The following PLCE1 variants were observed in gnomAD, a reference collection of about 807,000 sequenced individuals.
PLCE1 encodes the protein 1-phosphatidylinositol 4,5-bisphosphate phosphodiesterase epsilon-1.
Under a neutral mutation model 242.8 loss-of-function variants are expected in PLCE1, and 119 were observed. The ratio of observed to expected loss-of-function variants is 0.49; its 90% confidence interval spans 0.42 to 0.57. The LOEUF (loss-of-function observed/expected upper bound fraction) is 0.57, where lower values mean the gene tolerates loss of function less well. Ranked by LOEUF, PLCE1 falls within the 20% of genes least tolerant of loss-of-function variation. PLCE1 has a pLI of 0.00. For missense variants in PLCE1, 2,441 were observed against 2,788.8 expected, an observed-to-expected ratio of 0.88 and a Z score of 2.81; for synonymous variants, 945 against 1,017.4, an observed-to-expected ratio of 0.93 and a Z score of 1.35.
chr10:94,328,680 C>G lies in PLCE1; in HGVS notation c.*737C>G, dbSNP rs965012396. ...GGGGCATTTCAAGTGTAAATATGTC[C>G]TATAACATAAGAGTCATTAAAATTC... On this transcript the variant is annotated 3_prime_UTR_variant, in exon 33 of 33. Coordinates refer to ENST00000371380, the MANE Select transcript of PLCE1 (RefSeq NM_016341.4). 4 of 152,116 alleles carry G rather than the reference C, an allele frequency of 2.6e-5. No individual in the cohort carries two copies. The highest frequency in any genetic ancestry group is 6.5e-5 in the Admixed American group (1 of 15,288). The allele number at this position is 152,116 out of a possible 1,614,324, so 9.4% of individuals were successfully genotyped here. A position where few individuals can be genotyped will look rare whatever the true frequency, so the allele number is the denominator to read the frequency against.
At chr10:94,145,604 G>A (rs546197086) in intron 3 of PLCE1, among the ~76,000 whole-genome samples, 23 of 152,186 alleles carry the variant, frequency 1.5e-4, no homozygotes, top group African/African-American at 3.4e-4. Flanking sequence ...CCCTTGGCCC[G>A]TGGGCTGACA....
intron 8 of PLCE1, among the ~76,000 whole-genome samples, chr10:94,247,115 A>G (rs74861582): frequency 1.7e-5 from 1 of 57,768 alleles, no homozygotes; most frequent in Admixed American, 1.5e-4. Flanking sequence ...CTGTCTCAGG[A>G]AAAAAAAAAA....
chr10:94,029,950 A>G (rs1397491507), intron 1 of PLCE1, among the ~76,000 whole-genome samples: 1 of 152,114 alleles, frequency 6.6e-6, no homozygotes, highest in Non-Finnish European at 1.5e-5. Flanking sequence ...ATTGGATAGA[A>G]ATTTTTTTGA....
chr10:94,215,535 A>G (rs532495247), intron 4 of PLCE1, among the ~76,000 whole-genome samples: 22 of 152,228 alleles, frequency 1.4e-4, no homozygotes, highest in African/African-American at 4.8e-4. Context: ...AGAACATGAC[A>G]TCTGGGCTAC....
intron 3 of PLCE1, among the ~76,000 whole-genome samples, chr10:94,169,879 G>A (rs925268418): frequency 1.3e-5 from 2 of 152,176 alleles, no homozygotes; most frequent in Non-Finnish European, 2.9e-5. Flanking sequence ...GTCTTCTTAG[G>A]GAATCTCTGG....
chr10:94,063,464 T>C (rs999410938), intron 2 of PLCE1, among the ~76,000 whole-genome samples: 1 of 152,216 alleles, frequency 6.6e-6, no homozygotes, highest in African/African-American at 2.4e-5. Flanking sequence ...GTAGGCATTC[T>C]AATATGTGCC....
At chr10:94,187,179 T>TGC (rs1554879698) in intron 4 of PLCE1, among the ~76,000 whole-genome samples, 56 of 149,100 alleles carry the variant, frequency 3.8e-4, no homozygotes, top group African/African-American at 7.1e-4. Context: ...TGTGTGTGTG[T>TGC]GTGCGTGCAC....
At chr10:94,040,966 G>T (rs2061754878) in intron 2 of PLCE1, among the ~76,000 whole-genome samples, 1 of 152,120 alleles carries the variant, frequency 6.6e-6, no homozygotes, top group Non-Finnish European at 1.5e-5. Context: ...CCCTCTAATG[G>T]CAGAGTTAAA....
chr10:94,024,440 G>T (rs2061424615), intron 1 of PLCE1, among the ~76,000 whole-genome samples: 1 of 152,088 alleles, frequency 6.6e-6, no homozygotes, highest in Non-Finnish European at 1.5e-5. Flanking sequence ...GTTATGCATT[G>T]TGTTTTCCTA....
chr10:94,009,137 C>T (rs2061112854), intron 1 of PLCE1, among the ~76,000 whole-genome samples: 1 of 152,076 alleles, frequency 6.6e-6, no homozygotes, highest in African/African-American at 2.4e-5. Context: ...GCATAGGAAA[C>T]ATGGTACTGG....
In PLCE1 at chr10:94,236,113, C is replaced by T; in HGVS notation, c.2413C>T (p.Arg805Ter). Residue 805 changes from arginine to a stop codon, truncating the protein, a stop_gained, in exon 7 of 33, where the codon CGA (arginine) becomes TGA (stop). Transcript: ENST00000371380. LOFTEE classifies it high-confidence loss of function. ...SRKSSLKDKS[R>*]WQFIIGDLLD... Reference sequence around the variant, plus strand: ...GAAAAGCTCCTTGAAGGATAAAAGCCGATGGCAGTAAGTTTTACACGTTAA... The same window carrying T: ...GAAAAGCTCCTTGAAGGATAAAAGCTGATGGCAGTAAGTTTTACACGTTAA... 5 of 1,613,074 alleles carry T rather than the reference C, an allele frequency of 3.1e-6. No homozygotes were observed. Among genetic ancestry groups the T allele is most frequent in the Non-Finnish European group, 3.4e-6 (4 of 1,179,396 alleles).
In PLCE1 at chr10:94,032,018, G is replaced by A; in HGVS notation, c.972G>A (p.Leu324=). ...AAAGCAAAAAGGAGCGATCCACTTT[G>A]TTAGTCAGGAGATTCTGTAAAAATG... is the stretch of plus-strand genomic sequence containing the variant. ...AFKSKKERST[L]LVRRFCKNDR... The change falls in exon 2 of 33, where the codon TTG becomes TTA. Residue 324 remains leucine (L), a synonymous_variant. Coordinates refer to ENST00000371380, the MANE Select transcript of PLCE1 (RefSeq NM_016341.4). The A allele has an allele frequency of 1.9e-6, 3 of 1,613,862 alleles. No homozygotes were observed. The highest frequency in any genetic ancestry group is 1.7e-4 in the Middle Eastern group (1 of 6,058).
At chr10:94,134,203 T>A (rs1239661854) in intron 3 of PLCE1, among the ~76,000 whole-genome samples, 5 of 151,598 alleles carry the variant, frequency 3.3e-5, no homozygotes, top group African/African-American at 7.3e-5. Context: ...CAAGTTCAAG[T>A]TTCTCATGCC....
At chr10:94,158,709 T>A (rs1196722878) in intron 3 of PLCE1, among the ~76,000 whole-genome samples, 1 of 152,060 alleles carries the variant, frequency 6.6e-6, no homozygotes, top group Non-Finnish European at 1.5e-5. Context: ...AGAGTTTTTT[T>A]AAGTTAGAAA....
intron 13 of PLCE1, among the ~76,000 whole-genome samples, chr10:94,260,172 C>A (rs115573025): frequency 6.6e-6 from 1 of 152,168 alleles, no homozygotes; most frequent in Non-Finnish European, 1.5e-5. Context: ...TCTTCCCTAC[C>A]TACAGACAGT....
intron 4 of PLCE1, among the ~76,000 whole-genome samples, chr10:94,188,279 A>C (rs546158634): frequency 1.2e-4 from 18 of 152,334 alleles, no homozygotes; most frequent in Non-Finnish European, 2.1e-4. Flanking sequence ...AATAATTCCT[A>C]AGAAGTTCTC....
intron 2 of PLCE1, among the ~76,000 whole-genome samples, chr10:94,059,922 A>G (rs1469342305): frequency 1.3e-5 from 2 of 152,052 alleles, no homozygotes; most frequent in Non-Finnish European, 2.9e-5. Context: ...GTTAGTTTCT[A>G]TTGTGGCTTT....
In PLCE1 at chr10:94,306,505, C is replaced by A; in HGVS notation, c.5701C>A (p.Leu1901Met). The change falls in exon 26 of 33, where the codon CTG (leucine) becomes ATG (methionine). Residue 1901 changes from leucine (L) to methionine (M), a missense_variant. Physicochemically the swap from Leu to Met is conservative, Grantham distance 15. Coordinates refer to ENST00000371380, the MANE Select transcript of PLCE1 (RefSeq NM_016341.4). This position sits in a 1 kb window ranked among gnomAD's most constrained non-coding sequence, Gnocchi z 5.7. ...TGAAGTCGACGTCCTGGGCATGCCTCTGGACAGCTGCCATTTCCGCACAAA... is the reference window on the plus strand; with the variant it reads ...TGAAGTCGACGTCCTGGGCATGCCTATGGACAGCTGCCATTTCCGCACAAA... ...CIEVDVLGMP[L>M]DSCHFRTKPI... is the part of the protein sequence containing the mutation. 15 of 1,614,162 alleles carry A rather than the reference C, an allele frequency of 9.3e-6. No individual in the cohort carries two copies. The highest frequency in any genetic ancestry group is 1.3e-5 in the Non-Finnish European group (15 of 1,180,022).
intron 4 of PLCE1, among the ~76,000 whole-genome samples, chr10:94,216,639 A>G (rs796933652): frequency 3.3e-5 from 5 of 152,224 alleles, no homozygotes; most frequent in African/African-American, 1.2e-4. Context: ...AATCTCTCAC[A>G]GGCCTTCTCC....
Sources: allele counts gnomAD v4.1 joint callset (sites outside exome capture counted in the v4.1 genomes callset), GRCh38; gene constraint gnomAD v4.1.1; non-coding constraint Gnocchi (gnomAD v3.1); transcripts MANE v1.5; gene names NCBI Gene and HGNC (gene_info 2026-07-23, HGNC 2026-07-21).